Variants in BCKDHB observed in about 807,000 individuals in gnomAD.
BCKDHB encodes branched chain keto acid dehydrogenase E1 subunit beta.
BCKDHB carries 41 observed loss-of-function variants against 48.5 expected under a neutral mutation model. That is an observed-to-expected ratio of 0.85 (90% confidence interval 0.66 to 1.10). The LOEUF (loss-of-function observed/expected upper bound fraction) is 1.10, where lower values mean the gene tolerates loss of function less well. BCKDHB is among the 50% of genes least tolerant of loss of function. The pLI, the probability that BCKDHB is intolerant of heterozygous loss-of-function variation, is 0.00. For synonymous variants in BCKDHB, 201 were observed against 174.8 expected, an observed-to-expected ratio of 1.15 and a Z score of -1.18; for missense variants, 496 against 494.2, an observed-to-expected ratio of 1.00 and a Z score of -0.03.
intron 5 of BCKDHB, among the ~76,000 whole-genome samples, chr6:80,169,333 A>C (rs1772774490): frequency 6.6e-6 from 1 of 152,178 alleles, no homozygotes; most frequent in Non-Finnish European, 1.5e-5. Context: ...TCTCTTTCAA[A>C]GCTTTATATT....
intron 5 of BCKDHB, among the ~76,000 whole-genome samples, chr6:80,170,972 G>A (rs781032380): frequency 3.3e-5 from 5 of 151,932 alleles, no homozygotes; most frequent in Non-Finnish European, 7.4e-5. Context: ...CAATATTACA[G>A]TTTTTTGCTT....
At chr6:80,316,374 C>CT (rs66530321) in intron 9 of BCKDHB, among the ~76,000 whole-genome samples, 16,235 of 150,876 alleles carry the variant, frequency 0.11, 2,822 homozygotes, top group African/African-American at 0.37. Flanking sequence ...ACTCAAACTG[C>CT]TTTTTTTTTA....
chr6:80,126,511 G>A (rs1352831137), intron 1 of BCKDHB, among the ~76,000 whole-genome samples: 3 of 152,150 alleles, frequency 2.0e-5, no homozygotes, highest in Non-Finnish European at 4.4e-5. Context: ...TAGCATGGAG[G>A]TTAGGTGGGC....
chr6:80,335,236 A>T (rs551225553), intron 9 of BCKDHB, among the ~76,000 whole-genome samples: 1,218 of 74,950 alleles, frequency 0.016, 20 homozygotes, highest in African/African-American at 0.041. Flanking sequence ...TGTGGGAAAA[A>T]AAAAAAAAAA....
At chr6:80,377,848 C>A in the BCKDHB span, among the ~76,000 whole-genome samples, 6 of 152,130 alleles carry the variant, frequency 3.9e-5, no homozygotes, top group Non-Finnish European at 7.4e-5. Flanking sequence ...CTTTTAGAAT[C>A]ATCTTGTGAA....
chr6:80,405,522 C>T, the BCKDHB span, among the ~76,000 whole-genome samples: 47 of 152,176 alleles, frequency 3.1e-4, no homozygotes, highest in African/African-American at 1.1e-3. Flanking sequence ...AATACACTTA[C>T]ATTTAAATTA....
the BCKDHB span, among the ~76,000 whole-genome samples, chr6:80,443,958 A>C: frequency 6.6e-6 from 1 of 152,008 alleles, no homozygotes; most frequent in Non-Finnish European, 1.5e-5. Flanking sequence ...TGATTGAACC[A>C]AGTTTAAAAT....
chr6:80,235,580 T>C (rs1235795695), intron 8 of BCKDHB, among the ~76,000 whole-genome samples: 1 of 152,198 alleles, frequency 6.6e-6, no homozygotes, highest in African/African-American at 2.4e-5. Flanking sequence ...TAATCTGATA[T>C]TAAACCCATG....
chr6:80,262,489 G>A (rs1777348482), intron 8 of BCKDHB, among the ~76,000 whole-genome samples: 1 of 152,044 alleles, frequency 6.6e-6, no homozygotes, highest in Non-Finnish European at 1.5e-5. Context: ...TGAACATTTA[G>A]TAGCTTTTGG....
At chr6:80,258,349 G>T (rs1452738361) in intron 8 of BCKDHB, among the ~76,000 whole-genome samples, 2 of 152,108 alleles carry the variant, frequency 1.3e-5, no homozygotes, top group Non-Finnish European at 2.9e-5. Flanking sequence ...CATTTTCAGG[G>T]GTTTGAAGGG....
intron 9 of BCKDHB, among the ~76,000 whole-genome samples, chr6:80,308,665 G>T (rs1039756882): frequency 2.6e-5 from 4 of 151,378 alleles, no homozygotes; most frequent in Non-Finnish European, 4.4e-5. Flanking sequence ...CGTGATCCCG[G>T]CTCACTGCAA....
chr6:80,312,189 G>A (rs189900226), intron 9 of BCKDHB, among the ~76,000 whole-genome samples: 13 of 152,186 alleles, frequency 8.5e-5, no homozygotes, highest in Admixed American at 3.3e-4. Flanking sequence ...TATGGCAATT[G>A]TGAATGGGAG....
intron 8 of BCKDHB, among the ~76,000 whole-genome samples, chr6:80,259,099 C>G (rs555634342): frequency 6.6e-6 from 1 of 152,152 alleles, no homozygotes; most frequent in East Asian, 1.9e-4. Flanking sequence ...ATATTAATCT[C>G]CCTACTTGAT....
intron 1 of BCKDHB, among the ~76,000 whole-genome samples, chr6:80,123,705 G>A (rs914468958): frequency 6.6e-6 from 1 of 152,024 alleles, no homozygotes; most frequent in Non-Finnish European, 1.5e-5. Context: ...ATTCTCTGAT[G>A]GTAGTTTGTA....
At chr6:80,310,324 C>T (rs1325859671) in intron 9 of BCKDHB, among the ~76,000 whole-genome samples, 1 of 152,082 alleles carries the variant, frequency 6.6e-6, no homozygotes, top group Non-Finnish European at 1.5e-5. Context: ...CATCATTTAG[C>T]TCCCACTTAT....
chr6:80,423,022 G>C, the BCKDHB span, among the ~76,000 whole-genome samples: 2 of 152,182 alleles, frequency 1.3e-5, no homozygotes, highest in Non-Finnish European at 2.9e-5. Context: ...GTTTGGCTCT[G>C]TGTCCCCACC....
At chr6:80,311,419 T>C (rs1052689260) in intron 9 of BCKDHB, among the ~76,000 whole-genome samples, 1 of 152,256 alleles carries the variant, frequency 6.6e-6, no homozygotes, top group Non-Finnish European at 1.5e-5. Flanking sequence ...ATGGTTCCTT[T>C]TGCTGTGAAG....
chr6:80,135,746 T>A (rs1329651737), intron 3 of BCKDHB: 3 of 152,208 alleles, frequency 2.0e-5, no homozygotes, highest in Non-Finnish European at 4.4e-5. Context: ...CACGTTGTGG[T>A]GCAATTATTA....
chr6:80,225,874 T>TTG (rs1327480139), intron 8 of BCKDHB, among the ~76,000 whole-genome samples: 1 of 152,218 alleles, frequency 6.6e-6, no homozygotes, highest in Non-Finnish European at 1.5e-5. Flanking sequence ...CTACTCAGTA[T>TTG]TGTTATTAGC....
Sources: gnomAD v4.1 joint callset for allele counts (sites outside exome capture counted in the v4.1 genomes callset) on GRCh38, gnomAD v4.1.1 for gene constraint, MANE v1.5 for transcripts, NCBI Gene and HGNC (gene_info 2026-07-23, HGNC 2026-07-21) for gene names.